Variants in TRIM5 observed in about 807,000 individuals in gnomAD.
The protein encoded by TRIM5 is tripartite motif containing 5, also known as tripartite motif-containing protein 5.
Under a neutral mutation model 35.6 loss-of-function variants are expected in TRIM5, and 31 were observed. The observed-to-expected ratio is 0.87, with a 90% confidence interval of 0.65 to 1.18. The LOEUF is 1.18. Among genes scored for constraint, TRIM5 ranks in the 50% most tolerant of loss-of-function variants. TRIM5 has a pLI of 0.00. For synonymous variants in TRIM5, 243 were observed against 215.6 expected (o/e 1.13, Z -1.11); for missense variants, 609 against 591.6 (o/e 1.03, Z -0.31).
At chr11:5,644,488 C>T in the TRIM5 span, 1 of 378,020 alleles carries the variant, frequency 2.6e-6, no homozygotes, top group Admixed American at 4.5e-5. Context: ...TTTCAAGTTC[C>T]CAGACTCCAC....
At chr11:5,674,822 T>C (rs1001913388) in intron 4 of TRIM5, among the ~76,000 whole-genome samples, 1 of 152,178 alleles carries the variant, frequency 6.6e-6, no homozygotes, top group African/African-American at 2.4e-5. Context: ...CATCACTTAG[T>C]ATGTAGATGT....
the TRIM5 span, chr11:5,610,492 A>C: frequency 6.2e-7 from 1 of 1,613,962 alleles, no homozygotes; most frequent in East Asian, 2.2e-5. Context: ...GACATGAGAC[A>C]GTTGGTCCTA....
At chr11:5,604,446 A>G in the TRIM5 span, 1 of 1,398,638 alleles carries the variant, frequency 7.1e-7, no homozygotes, top group Non-Finnish European at 9.6e-7. Context: ...TTTTGAGGTT[A>G]GCAGAATCTC....
the TRIM5 span, among the ~76,000 whole-genome samples, chr11:5,606,899 GC>G: frequency 6.6e-6 from 1 of 152,096 alleles, no homozygotes. Context: ...GTGAATTGTT[GC>G]CCATTAAGAT....
chr11:5,653,465 C>G, the TRIM5 span, among the ~76,000 whole-genome samples: 1 of 150,448 alleles, frequency 6.6e-6, no homozygotes, highest in South Asian at 2.1e-4. Context: ...AAATGGCAAA[C>G]TGTTTTTTCC....
chr11:5,605,914 T>C, the TRIM5 span, among the ~76,000 whole-genome samples: 3 of 152,226 alleles, frequency 2.0e-5, no homozygotes, highest in African/African-American at 7.2e-5. Context: ...CGTGGGGTTC[T>C]CCTGTACATT....
At chr11:5,633,971 T>C in the TRIM5 span, 40 of 1,516,092 alleles carry the variant, frequency 2.6e-5, no homozygotes, top group Middle Eastern at 1.7e-4. Context: ...GGCCTCGTCC[T>C]TTTTATTCCT....
intron 4 of TRIM5, among the ~76,000 whole-genome samples, chr11:5,671,499 A>C (rs2134063359): frequency 6.6e-6 from 1 of 152,242 alleles, no homozygotes; most frequent in East Asian, 1.9e-4. Context: ...AGAGATAGAA[A>C]TGATAAGGAA....
At chr11:5,608,847 AT>A in the TRIM5 span, among the ~76,000 whole-genome samples, 1,535 of 101,842 alleles carry the variant, frequency 0.015, 22 homozygotes, top group African/African-American at 0.057. Context: ...TTGCCCATAA[AT>A]TTTTTTTTTT....
chr11:5,652,854 T>G, the TRIM5 span, among the ~76,000 whole-genome samples: 24 of 141,112 alleles, frequency 1.7e-4, 1 homozygote, highest in South Asian at 5.3e-3. Flanking sequence ...TTCTTTTTCT[T>G]TTTTTTTTTT....
chr11:5,667,369 C>A (rs1590229310), intron 5 of TRIM5, among the ~76,000 whole-genome samples: 1 of 151,928 alleles, frequency 6.6e-6, no homozygotes, highest in East Asian at 1.9e-4. Context: ...ACCACGCCCC[C>A]CTAATTTTTG....
chr11:5,597,023 T>C, the TRIM5 span: 1 of 1,559,242 alleles, frequency 6.4e-7, no homozygotes, highest in East Asian at 2.3e-5. Context: ...ATATCTTTAT[T>C]TCTTTTTCTT....
chr11:5,615,942 T>TTC, the TRIM5 span, among the ~76,000 whole-genome samples: 1 of 149,686 alleles, frequency 6.7e-6, no homozygotes, highest in African/African-American at 2.5e-5. Flanking sequence ...CATTTTTTTT[T>TTC]TTTTTTTTGA....
At chr11:5,671,304 T>TAA (rs5789423) in intron 4 of TRIM5, among the ~76,000 whole-genome samples, 21,569 of 141,554 alleles carry the variant, frequency 0.15, 2,349 homozygotes, top group East Asian at 0.43. Context: ...TCAGGGGGAT[T>TAA]AAAAAAAAAA....
the TRIM5 span, among the ~76,000 whole-genome samples, chr11:5,595,942 A>C: frequency 6.6e-6 from 1 of 151,942 alleles, no homozygotes; most frequent in African/African-American, 2.4e-5. Flanking sequence ...CGGCCTCCCA[A>C]AGTGCTGGGA....
At chr11:5,607,914 G>A in the TRIM5 span, among the ~76,000 whole-genome samples, 1 of 152,156 alleles carries the variant, frequency 6.6e-6, no homozygotes, top group African/African-American at 2.4e-5. Context: ...TAAAATGAAG[G>A]AAATGGATGA....
chr11:5,630,243 G>A, the TRIM5 span, among the ~76,000 whole-genome samples: 2 of 152,192 alleles, frequency 1.3e-5, no homozygotes, highest in African/African-American at 2.4e-5. Flanking sequence ...GGATGGTGAT[G>A]GCGATGTGTT....
chr11:5,641,379 T>A, the TRIM5 span: 1 of 1,372,966 alleles, frequency 7.3e-7, no homozygotes, highest in Non-Finnish European at 9.5e-7. Flanking sequence ...CTCGATCCTA[T>A]GTTAGTAAAT....
the TRIM5 span, among the ~76,000 whole-genome samples, chr11:5,658,091 T>G: frequency 1.3e-5 from 2 of 152,154 alleles, no homozygotes; most frequent in Non-Finnish European, 2.9e-5. Context: ...TCCGTTTTTG[T>G]GCCCAAATGT....
Sources: allele counts gnomAD v4.1 joint callset (sites outside exome capture counted in the v4.1 genomes callset), GRCh38; gene constraint gnomAD v4.1.1; transcripts MANE v1.5; gene names NCBI Gene and HGNC (gene_info 2026-07-23, HGNC 2026-07-21).